Variants in CDH13 observed in about 807,000 individuals in gnomAD.
CDH13 encodes the protein cadherin-13.
CDH13 carries 24 observed loss-of-function variants against 63.8 expected under a neutral mutation model. The ratio of observed to expected loss-of-function variants is 0.38; its 90% confidence interval spans 0.27 to 0.53. CDH13 has a LOEUF of 0.53. Among genes scored for constraint, CDH13 ranks in the 20% least tolerant of loss-of-function variants. The probability of loss-of-function intolerance (pLI) is 0.85; values close to 1 mark genes in which losing one functional copy is unlikely to be tolerated. For missense variants in CDH13, 1,049 were observed against 903.1 expected, an observed-to-expected ratio of 1.16 and a Z score of -2.07; for synonymous variants, 503 against 355.3, an observed-to-expected ratio of 1.42 and a Z score of -4.67.
chr16:83,369,963 G>A (rs907531375), intron 6 of CDH13, among the ~76,000 whole-genome samples: 7 of 152,142 alleles, frequency 4.6e-5, no homozygotes, highest in African/African-American at 1.4e-4. Context: ...CCCTGCAGCT[G>A]GTCTTGCTCT....
chr16:83,487,154 A>C (rs1311040788), intron 7 of CDH13, among the ~76,000 whole-genome samples: 1 of 152,012 alleles, frequency 6.6e-6, no homozygotes, highest in Non-Finnish European at 1.5e-5. Context: ...TCATCCCTTT[A>C]GGCTTTCTCC....
chr16:82,835,272 G>T (rs1006548350), intron 1 of CDH13, among the ~76,000 whole-genome samples: 1 of 152,170 alleles, frequency 6.6e-6, no homozygotes, highest in African/African-American at 2.4e-5. Flanking sequence ...GGTGGCTGCC[G>T]CATTGGACAG....
chr16:82,896,947 A>AT (rs1211298770), intron 2 of CDH13, among the ~76,000 whole-genome samples: 2 of 151,182 alleles, frequency 1.3e-5, no homozygotes, highest in Non-Finnish European at 2.9e-5. Context: ...CGCCCAGCTA[A>AT]TTTTTTTGTA....
intron 5 of CDH13, among the ~76,000 whole-genome samples, chr16:83,259,671 G>C (rs1425065209): frequency 6.6e-6 from 1 of 152,126 alleles, no homozygotes; most frequent in Non-Finnish European, 1.5e-5. Context: ...TATACAGTAA[G>C]TTTTAGAGTA....
At chr16:82,726,407 C>T (rs1221144339) in intron 1 of CDH13, among the ~76,000 whole-genome samples, 1 of 152,188 alleles carries the variant, frequency 6.6e-6, no homozygotes, top group East Asian at 1.9e-4. Context: ...GCTGGAATTT[C>T]ATATAATTTT....
At chr16:82,704,250 C>T (rs1307719798) in intron 1 of CDH13, among the ~76,000 whole-genome samples, 2 of 152,126 alleles carry the variant, frequency 1.3e-5, no homozygotes, top group African/African-American at 4.8e-5. Flanking sequence ...GTTTTGAGCA[C>T]GTTGATTTGG....
Position 83,305,413 on chromosome 16 carries a change from G to T in CDH13, c.637-39449G>T, listed in dbSNP as rs373609190. ...TCTGTGCAATGTCTCTTTGCTGGAA[G>T]GACCATTTTTAATCTACCCGTGTAG... On this transcript the variant is annotated intron_variant, in intron 5 of 13. Coordinates refer to ENST00000567109, the MANE Select transcript of CDH13 (RefSeq NM_001257.5). Among the ~76,000 whole-genome samples, 11 of 152,330 alleles carry T rather than the reference G, an allele frequency of 7.2e-5. No individual in the cohort carries two copies. The East Asian group carries it at 1.9e-3, about 27-fold the overall frequency.
At chr16:83,419,599 C>T (rs1186968271) in intron 6 of CDH13, among the ~76,000 whole-genome samples, 1 of 152,152 alleles carries the variant, frequency 6.6e-6, no homozygotes, top group Non-Finnish European at 1.5e-5. Context: ...AATATCTAGA[C>T]CATGGCTGTA....
chr16:82,809,007 A>ATACACGTTATATATATGATT (rs2037302681), intron 1 of CDH13, among the ~76,000 whole-genome samples: 1 of 152,174 alleles, frequency 6.6e-6, no homozygotes, highest in African/African-American at 2.4e-5. Flanking sequence ...ATGGGTATAT[A>ATACACGTTATATATATGATT]TACACGTTAT....
In CDH13 at chr16:83,038,540, C is replaced by T. The variant is rs760220431; in HGVS notation, c.366+6322C>T. 2.0e-5 allele frequency among the ~76,000 whole-genome samples: 3 copies of T among 152,310 alleles called. No homozygotes were observed. The East Asian group carries it at 5.8e-4, about 29-fold the overall frequency. Reference sequence around the variant, plus strand: ...CCTGTCTGTGGAAGGTCATGATGAACTTGACACACCAAGTTATGTCTGGAC... The same window carrying T: ...CCTGTCTGTGGAAGGTCATGATGAATTTGACACACCAAGTTATGTCTGGAC... On this transcript the variant is annotated intron_variant, in intron 3 of 13. Transcript: ENST00000567109.
intron 2 of CDH13, among the ~76,000 whole-genome samples, chr16:83,004,239 T>G (rs1487232797): frequency 1.3e-5 from 2 of 151,970 alleles, no homozygotes; most frequent in Non-Finnish European, 2.9e-5. Context: ...GGGATAAAGA[T>G]AGGGAAGCAG....
intron 7 of CDH13, among the ~76,000 whole-genome samples, chr16:83,578,671 G>A (rs1273868712): frequency 6.6e-6 from 1 of 152,132 alleles, no homozygotes; most frequent in East Asian, 1.9e-4. Flanking sequence ...TTGCTGTCAA[G>A]GATATGACAA....
chr16:83,062,967 T>G (rs2031693210), intron 3 of CDH13, among the ~76,000 whole-genome samples: 1 of 151,162 alleles, frequency 6.6e-6, no homozygotes, highest in South Asian at 2.1e-4. Context: ...TTGGCATTTT[T>G]TTTTTTTTTT....
At chr16:83,058,173 G>A (rs1007868152) in intron 3 of CDH13, among the ~76,000 whole-genome samples, 1 of 152,062 alleles carries the variant, frequency 6.6e-6, no homozygotes, top group African/African-American at 2.4e-5. Context: ...CTTTTATCGG[G>A]CTTGGGGTGT....
At chr16:83,290,888 TC>T (rs1158041031) in intron 5 of CDH13, among the ~76,000 whole-genome samples, 2 of 152,154 alleles carry the variant, frequency 1.3e-5, no homozygotes, top group African/African-American at 4.8e-5. Flanking sequence ...AATGTTTTTT[TC>T]CCATCTCTAC....
At chr16:83,587,288 C>A (rs762909364) in intron 7 of CDH13, among the ~76,000 whole-genome samples, 1 of 152,264 alleles carries the variant, frequency 6.6e-6, no homozygotes, top group East Asian at 1.9e-4. Context: ...GCTGATTAAA[C>A]GTCTGAAATT....
chr16:83,333,630 G>A (rs574239172), intron 5 of CDH13, among the ~76,000 whole-genome samples: 42 of 152,260 alleles, frequency 2.8e-4, no homozygotes, highest in Middle Eastern at 3.4e-3. Context: ...GAATTTCTGT[G>A]TACACATGCT....
chr16:83,411,032 T>G (rs1305601371), intron 6 of CDH13, among the ~76,000 whole-genome samples: 1 of 152,340 alleles, frequency 6.6e-6, no homozygotes, highest in African/African-American at 2.4e-5. Flanking sequence ...CCATATCCAG[T>G]TGGTCACTTG....
intron 4 of CDH13, among the ~76,000 whole-genome samples, chr16:83,193,128 T>C (rs2038774571): frequency 6.6e-6 from 1 of 150,876 alleles, no homozygotes; most frequent in African/African-American, 2.4e-5. Flanking sequence ...GACAGAATCA[T>C]CAACATCCAG....
Sources: allele counts gnomAD v4.1 joint callset (sites outside exome capture counted in the v4.1 genomes callset), GRCh38; gene constraint gnomAD v4.1.1; transcripts MANE v1.5; gene names NCBI Gene and HGNC (gene_info 2026-07-23, HGNC 2026-07-21).